The following CAST variants were observed in gnomAD, a reference collection of about 807,000 sequenced individuals.
CAST encodes the protein calpastatin.
In CAST, 76 loss-of-function variants were observed where a neutral mutation model predicts 119.6. That is an observed-to-expected ratio of 0.64 (90% CI 0.53 to 0.77). CAST has a LOEUF of 0.77. CAST is among the 30% of genes least tolerant of loss of function. The pLI is 0.00. For synonymous variants in CAST, 319 were observed against 331.6 expected (o/e 0.96, Z 0.41); for missense variants, 953 against 946.5 (o/e 1.01, Z -0.09).
the CAST span, among the ~76,000 whole-genome samples, chr5:96,315,893 C>T: frequency 6.6e-6 from 1 of 152,070 alleles, no homozygotes; most frequent in Non-Finnish European, 1.5e-5. Context: ...GTTGACAGAT[C>T]CAGCTGAGCC....
chr5:95,980,401 A>G, the CAST span: 2 of 152,104 alleles, frequency 1.3e-5, no homozygotes, highest in Non-Finnish European at 2.9e-5. Flanking sequence ...TACCCATTAG[A>G]GTTCACCACT....
At chr5:96,106,413 G>A in the CAST span, among the ~76,000 whole-genome samples, 1 of 152,136 alleles carries the variant, frequency 6.6e-6, no homozygotes, top group African/African-American at 2.4e-5. Flanking sequence ...AGAGATTCTG[G>A]TATGTTGTGT....
At chr5:96,688,318 G>A (rs1752312071) in intron 2 of CAST, among the ~76,000 whole-genome samples, 4 of 152,192 alleles carry the variant, frequency 2.6e-5, no homozygotes, top group African/African-American at 9.7e-5. Context: ...AATTAGAAAT[G>A]TGGAACAAGT....
At chr5:96,212,439 G>A in the CAST span, among the ~76,000 whole-genome samples, 3,158 of 152,212 alleles carry the variant, frequency 0.021, 43 homozygotes, top group Non-Finnish European at 0.032. Context: ...TGTAGTCAGA[G>A]AACACACTTT....
At chr5:96,763,294 A>G in intron 25 of CAST, 1 of 780,050 alleles carries the variant, frequency 1.3e-6, no homozygotes, top group Non-Finnish European at 2.4e-6. Context: ...TACCATTAGC[A>G]GCTATAATCC....
At chr5:96,484,519 TA>T in the CAST span, among the ~76,000 whole-genome samples, 1 of 152,188 alleles carries the variant, frequency 6.6e-6, no homozygotes, top group East Asian at 1.9e-4. Context: ...GAACAGATGG[TA>T]AATTGATATT....
chr5:96,561,460 C>A (rs1396990378), intron 1 of CAST, among the ~76,000 whole-genome samples: 1 of 150,562 alleles, frequency 6.6e-6, no homozygotes, highest in Non-Finnish European at 1.5e-5. Context: ...CAAACTATCA[C>A]AAGATCAGAA....
the CAST span, among the ~76,000 whole-genome samples, chr5:96,411,152 G>A: frequency 2.6e-5 from 4 of 152,228 alleles, no homozygotes; most frequent in African/African-American, 9.7e-5. Context: ...AATCTCACAA[G>A]GCTGTGTATT....
the CAST span, among the ~76,000 whole-genome samples, chr5:96,098,626 T>C: frequency 6.6e-6 from 1 of 152,296 alleles, no homozygotes; most frequent in South Asian, 2.1e-4. Flanking sequence ...AAAGATCAGA[T>C]GGTTGTAGGT....
At chr5:96,202,909 G>C in the CAST span, among the ~76,000 whole-genome samples, 4 of 151,944 alleles carry the variant, frequency 2.6e-5, no homozygotes, top group South Asian at 2.1e-4. Flanking sequence ...CCTTTCTTAG[G>C]ACTTCATTTA....
intron 1 of CAST, among the ~76,000 whole-genome samples, chr5:96,619,106 G>T (rs1366375280): frequency 6.6e-6 from 1 of 152,036 alleles, no homozygotes; most frequent in Non-Finnish European, 1.5e-5. Context: ...TGGACTTGGA[G>T]AACTTTTATG....
chr5:96,292,683 T>C, the CAST span, among the ~76,000 whole-genome samples: 2 of 152,360 alleles, frequency 1.3e-5, no homozygotes, highest in East Asian at 1.9e-4. Flanking sequence ...TTTTGTCTTT[T>C]AGTAGCTCAT....
At chr5:96,287,313 A>G in the CAST span, among the ~76,000 whole-genome samples, 1 of 152,148 alleles carries the variant, frequency 6.6e-6, no homozygotes, top group Admixed American at 6.5e-5. Context: ...AATTGAAAAG[A>G]AAAAGAAAAC....
chr5:96,380,269 C>T, the CAST span, among the ~76,000 whole-genome samples: 1 of 152,094 alleles, frequency 6.6e-6, no homozygotes, highest in African/African-American at 2.4e-5. Flanking sequence ...CCCTTACATA[C>T]TCATAATTTT....
chr5:96,637,612 T>G (rs778925237), intron 1 of CAST, among the ~76,000 whole-genome samples: 4 of 152,202 alleles, frequency 2.6e-5, no homozygotes, highest in African/African-American at 9.7e-5. Flanking sequence ...TAGATTGCTA[T>G]CATGTTACCA....
At chr5:96,110,337 G>T in the CAST span, among the ~76,000 whole-genome samples, 2 of 152,106 alleles carry the variant, frequency 1.3e-5, no homozygotes, top group Non-Finnish European at 2.9e-5. Flanking sequence ...CTTCTGAGAA[G>T]AAATATAGTT....
chr5:96,476,095 G>T, the CAST span, among the ~76,000 whole-genome samples: 1 of 152,134 alleles, frequency 6.6e-6, no homozygotes, highest in Admixed American at 6.5e-5. Flanking sequence ...CAGAAACAAG[G>T]CAATTTAAAC....
the CAST span, among the ~76,000 whole-genome samples, chr5:96,480,772 A>G: frequency 2.6e-5 from 4 of 152,228 alleles, no homozygotes; most frequent in African/African-American, 9.6e-5. Flanking sequence ...AGGGTGGTCT[A>G]TACTGTTAAG....
chr5:96,758,683 G>T (rs1454764627), intron 24 of CAST, among the ~76,000 whole-genome samples: 1 of 152,114 alleles, frequency 6.6e-6, no homozygotes, highest in Non-Finnish European at 1.5e-5. Context: ...AAGCAATAAA[G>T]CCCCTCAAAG....
Sources: gnomAD v4.1 joint callset for allele counts (sites outside exome capture counted in the v4.1 genomes callset) on GRCh38, gnomAD v4.1.1 for gene constraint, MANE v1.5 for transcripts, NCBI Gene and HGNC (gene_info 2026-07-23, HGNC 2026-07-21) for gene names.